The following NXPH1 variants were observed in gnomAD, a reference collection of about 807,000 sequenced individuals.
The protein encoded by NXPH1 is neurexophilin-1.
NXPH1 carries 5 observed loss-of-function variants against 23.7 expected under a neutral mutation model. The observed-to-expected ratio is 0.21, with a 90% CI of 0.11 to 0.44. The LOEUF is 0.44. NXPH1 is among the 20% of genes least tolerant of loss of function. The pLI is 0.99. For synonymous variants in NXPH1, 144 were observed against 122.2 expected, an observed-to-expected ratio of 1.18 and a Z score of -1.18; for missense variants, 324 against 321.6, an observed-to-expected ratio of 1.01 and a Z score of -0.06.
chr7:8,563,972 C>T (rs182263226), intron 2 of NXPH1, among the ~76,000 whole-genome samples: 156 of 151,910 alleles, frequency 1.0e-3, no homozygotes, highest in African/African-American at 3.6e-3. Flanking sequence ...CTCTTCACTG[C>T]CAGTTGGAAT....
At chr7:8,671,821 A>G (rs908292359) in intron 2 of NXPH1, among the ~76,000 whole-genome samples, 1 of 152,168 alleles carries the variant, frequency 6.6e-6, no homozygotes, top group Middle Eastern at 3.2e-3. Context: ...TTTAGAAAAC[A>G]GCTTGATTTG....
rs1028226082 is a variant in NXPH1 at position 8,480,300 on chromosome 7, T to G, written c.54+44533T>G. Among the ~76,000 whole-genome samples the G allele has an allele frequency of 1.1e-4, 16 of 152,322 alleles. 1 individual carries two copies. The highest frequency in any genetic ancestry group is 3.6e-4 in the African/African-American group (15 of 41,586). Reference sequence around the variant, plus strand: ...AGAAAAAAAGGTTGGATGGAATTTTTATTTTCTCTCCTGGATGAATTCTGT... The same window carrying G: ...AGAAAAAAAGGTTGGATGGAATTTTGATTTTCTCTCCTGGATGAATTCTGT... On this transcript the variant is annotated intron_variant, in intron 2 of 2. Coordinates refer to ENST00000405863, the MANE Select transcript of NXPH1 (RefSeq NM_152745.3).
chr7:8,585,250 C>G (rs964926182), intron 2 of NXPH1, among the ~76,000 whole-genome samples: 2 of 152,020 alleles, frequency 1.3e-5, no homozygotes, highest in African/African-American at 4.8e-5. Context: ...TTATTTGTGC[C>G]CTTGTAAAAA....
At chr7:8,725,744 T>C (rs1562466234) in intron 2 of NXPH1, among the ~76,000 whole-genome samples, 1 of 152,162 alleles carries the variant, frequency 6.6e-6, no homozygotes, top group African/African-American at 2.4e-5. Flanking sequence ...TTCAGAGAGT[T>C]GGAGATTCCC....
chr7:8,559,210 A>T (rs898891452), intron 2 of NXPH1, among the ~76,000 whole-genome samples: 1 of 151,664 alleles, frequency 6.6e-6, no homozygotes, highest in African/African-American at 2.4e-5. Context: ...CTCCTACCTC[A>T]GCCTTCCAAA....
chr7:8,486,738 C>T (rs1176205233), intron 2 of NXPH1, among the ~76,000 whole-genome samples: 2 of 152,142 alleles, frequency 1.3e-5, no homozygotes, highest in African/African-American at 2.4e-5. Flanking sequence ...TCCTGGCATA[C>T]ATAATGTTCT....
intron 2 of NXPH1, among the ~76,000 whole-genome samples, chr7:8,616,889 TATCAGATTTGAGGGGAGGAC>T (rs1819753541): frequency 6.6e-6 from 1 of 150,832 alleles, no homozygotes; most frequent in Non-Finnish European, 1.5e-5. Flanking sequence ...GAAGTATGGA[TATCAGATTTGAGGGGAGGAC>T]AGTGTGAATG....
chr7:8,586,358 T>A (rs146424124), intron 2 of NXPH1, among the ~76,000 whole-genome samples: 137 of 152,128 alleles, frequency 9.0e-4, no homozygotes, highest in African/African-American at 2.9e-3. Context: ...TAGTATGGAA[T>A]TCGATAATAA....
At chr7:8,654,250 C>T (rs1282899453) in intron 2 of NXPH1, among the ~76,000 whole-genome samples, 1 of 151,718 alleles carries the variant, frequency 6.6e-6, no homozygotes, top group African/African-American at 2.4e-5. Context: ...AGTCATTTAC[C>T]ACAGATTTCC....
At chr7:8,659,496 A>T (rs1020756879) in intron 2 of NXPH1, among the ~76,000 whole-genome samples, 1 of 152,118 alleles carries the variant, frequency 6.6e-6, no homozygotes. Flanking sequence ...AAAACCAAAC[A>T]CTGCATGTTC....
At chr7:8,540,667 A>G (rs1818101485) in intron 2 of NXPH1, among the ~76,000 whole-genome samples, 1 of 151,792 alleles carries the variant, frequency 6.6e-6, no homozygotes, top group Non-Finnish European at 1.5e-5. Context: ...GTACCTTTCA[A>G]TTCAGTGGAA....
intron 2 of NXPH1, among the ~76,000 whole-genome samples, chr7:8,704,302 C>A (rs1338556496): frequency 1.3e-5 from 2 of 152,046 alleles, no homozygotes; most frequent in African/African-American, 2.4e-5. Context: ...AATAAAAGAG[C>A]ATATGGAGGT....
intron 2 of NXPH1, among the ~76,000 whole-genome samples, chr7:8,669,131 T>C (rs1482151839): frequency 1.3e-5 from 2 of 152,190 alleles, no homozygotes; most frequent in African/African-American, 4.8e-5. Context: ...GAAGCCTGTA[T>C]CTGCTGGAGG....
At chr7:8,710,732 G>C (rs577374099) in intron 2 of NXPH1, among the ~76,000 whole-genome samples, 1 of 104,420 alleles carries the variant, frequency 9.6e-6, no homozygotes, top group South Asian at 3.3e-4. Flanking sequence ...GCGCAATCTC[G>C]GCTCACTGCA....
At chr7:8,578,999 C>T (rs1409319288) in intron 2 of NXPH1, among the ~76,000 whole-genome samples, 1 of 152,156 alleles carries the variant, frequency 6.6e-6, no homozygotes, top group Non-Finnish European at 1.5e-5. Flanking sequence ...AGGAAGAGGA[C>T]ACTTGGTGCT....
chr7:8,485,247 G>C lies in NXPH1; in HGVS notation c.54+49480G>C, dbSNP rs187316681. On this transcript the variant is annotated intron_variant, in intron 2 of 2. Coordinates refer to ENST00000405863, the MANE Select transcript of NXPH1 (RefSeq NM_152745.3). Reference sequence around the variant, plus strand: ...CACGTGCTCTCTTGCCTGCCTCCATGTAAGATGTGACTTTGCTCCTCATTC... The same window carrying C: ...CACGTGCTCTCTTGCCTGCCTCCATCTAAGATGTGACTTTGCTCCTCATTC... 3.9e-5 allele frequency among the ~76,000 whole-genome samples: 6 copies of C among 152,272 alleles called. No homozygotes were observed. In the East Asian group the frequency reaches 1.2e-3, roughly 29 times the overall value.
intron 2 of NXPH1, among the ~76,000 whole-genome samples, chr7:8,720,969 C>T (rs1385168270): frequency 6.6e-6 from 1 of 152,140 alleles, no homozygotes; most frequent in Non-Finnish European, 1.5e-5. Context: ...AGAGTCATGA[C>T]AACTGAATGC....
intron 2 of NXPH1, among the ~76,000 whole-genome samples, chr7:8,655,123 G>A (rs1820552844): frequency 6.6e-6 from 1 of 152,152 alleles, no homozygotes; most frequent in Non-Finnish European, 1.5e-5. Context: ...AGTAGCTTAT[G>A]TCTGTAAACC....
At chr7:8,701,562 C>A (rs1022415947) in intron 2 of NXPH1, among the ~76,000 whole-genome samples, 2 of 152,054 alleles carry the variant, frequency 1.3e-5, no homozygotes, top group African/African-American at 4.8e-5. Flanking sequence ...ACATAGCAAA[C>A]TTGATTTAAG....
Sources: gnomAD v4.1 joint callset for allele counts (sites outside exome capture counted in the v4.1 genomes callset) on GRCh38, gnomAD v4.1.1 for gene constraint, MANE v1.5 for transcripts, NCBI Gene and HGNC (gene_info 2026-07-23, HGNC 2026-07-21) for gene names.